Variants in IGSF3 observed in about 807,000 individuals in gnomAD.
The protein encoded by IGSF3 is immunoglobulin superfamily member 3.
Under a neutral mutation model 114.4 loss-of-function variants are expected in IGSF3, and 23 were observed. That is an observed-to-expected ratio of 0.20 (90% confidence interval 0.14 to 0.28). The LOEUF (loss-of-function observed/expected upper bound fraction) is 0.28, where lower values mean the gene tolerates loss of function less well. IGSF3 is among the 10% of genes least tolerant of loss of function. The pLI, the probability that IGSF3 is intolerant of heterozygous loss-of-function variation, is 1.00. For missense variants in IGSF3, 1,172 were observed against 1,591.5 expected (o/e 0.74, Z 4.48); for synonymous variants, 571 against 645.2 (o/e 0.88, Z 1.74).
Position 116,663,000 on chromosome 1 carries a change from T to C in IGSF3, c.43+3284A>G, listed in dbSNP as rs1649175369. 6.6e-6 allele frequency among the ~76,000 whole-genome samples: 1 copy of C among 152,204 alleles called. No individual in the cohort carries two copies. Among genetic ancestry groups the C allele is most frequent in the African/African-American group, 2.4e-5 (1 of 41,446 alleles). On this transcript the variant is annotated intron_variant, in intron 2 of 10. Transcript: ENST00000369486. This position sits in a 1 kb window ranked among gnomAD's most constrained non-coding sequence, Gnocchi z 4.3. ...TTCAAAGAAGAGACTTCCCAAACTC[T>C]ACAAATGAACTTCTCTCCCTCTGGA...
At chr1:116,652,421 A>G (rs1254714985) in intron 2 of IGSF3, among the ~76,000 whole-genome samples, 1 of 152,252 alleles carries the variant, frequency 6.6e-6, no homozygotes, top group Non-Finnish European at 1.5e-5. Context: ...TTGGTAATTC[A>G]GACATTTTAC....
chr1:116,649,765 G>A lies in IGSF3; in HGVS notation c.43+16519C>T, dbSNP rs989768824. On this transcript the variant is annotated intron_variant, in intron 2 of 10. Coordinates refer to ENST00000369486, the MANE Select transcript of IGSF3 (RefSeq NM_001007237.3). The surrounding 1 kb of genome is among the most constrained non-coding windows in gnomAD (Gnocchi z 4.5). ...GCCCACTTTCATTCCTTTCTCCCCT[G>A]TTCATAAGCCTGTAATACTTTTCCG... Among the ~76,000 whole-genome samples, 1 of 152,024 alleles carries A rather than the reference G, an allele frequency of 6.6e-6. No individual in the cohort carries two copies. Among genetic ancestry groups the A allele is most frequent in the African/African-American group, 2.4e-5 (1 of 41,356 alleles).
Position 116,579,935 on chromosome 1 carries a change from T to C in IGSF3, c.2849-58A>G, listed in dbSNP as rs1187651916. The C allele has an allele frequency of 7.0e-7, 1 of 1,423,312 alleles. No individual in the cohort carries two copies. Among genetic ancestry groups the C allele is most frequent in the Admixed American group, 2.2e-5 (1 of 45,598 alleles). 88.2% of individuals were successfully genotyped at this position (1,423,312 alleles called of 1,614,324 possible). A position where few individuals can be genotyped will look rare whatever the true frequency, so the allele number is the denominator to read the frequency against. On this transcript the variant is annotated intron_variant, in intron 9 of 10. Transcript: ENST00000369486. The surrounding 1 kb of genome is among the most constrained non-coding windows in gnomAD (Gnocchi z 6.4). ...GTTGTTTAAATTTATTTGCTCAAAA[T>C]AAACTAAATGTCCATCATTAAACAC...
intron 9 of IGSF3, among the ~76,000 whole-genome samples, chr1:116,581,209 G>A (rs191117723): frequency 2.6e-5 from 4 of 151,960 alleles, no homozygotes; most frequent in South Asian, 2.1e-4. Context: ...GAGGATGTAC[G>A]CAAAGTGTCC....
intron 9 of IGSF3, among the ~76,000 whole-genome samples, chr1:116,581,320 C>CTTTTTTTTTT (rs955415319): frequency 2.8e-5 from 2 of 70,588 alleles, no homozygotes; most frequent in African/African-American, 5.3e-5. Flanking sequence ...GTTTTGCTGT[C>CTTTTTTTTTT]TTTTTTTTTT....
rs192464568 is a variant in IGSF3, at chr1:116,651,188, G to A, written c.43+15096C>T. Among the ~76,000 whole-genome samples the A allele has an allele frequency of 2.6e-5, 4 of 152,322 alleles. No individual in the cohort carries two copies. The East Asian group carries it at 7.7e-4, about 29-fold the overall frequency. On this transcript the variant is annotated intron_variant, in intron 2 of 10. Coordinates refer to ENST00000369486, the MANE Select transcript of IGSF3 (RefSeq NM_001007237.3). The surrounding 1 kb of genome is among the most constrained non-coding windows in gnomAD (Gnocchi z 4.4). ...ATCTCATGAGCTCTGGTCTGGAAAA[G>A]TAAGTCTCCCTACACTAAGACTTAA...
chr1:116,621,659 T>A (rs1484441860), intron 2 of IGSF3, among the ~76,000 whole-genome samples: 2 of 152,196 alleles, frequency 1.3e-5, no homozygotes, highest in African/African-American at 2.4e-5. Flanking sequence ...TCCCTAAGAT[T>A]GAATGCAAAA....
chr1:116,667,199 T>C (rs1649369179), intron 1 of IGSF3, among the ~76,000 whole-genome samples: 1 of 152,152 alleles, frequency 6.6e-6, no homozygotes, highest in African/African-American at 2.4e-5. Flanking sequence ...CTCCTGGGAA[T>C]TCCCGTCACC....
Position 116,625,254 on chromosome 1 carries a change from C to T in IGSF3, c.44-8797G>A, listed in dbSNP as rs1233554709. 6.6e-6 allele frequency among the ~76,000 whole-genome samples: 1 copy of T among 152,200 alleles called. No homozygotes were observed. Among genetic ancestry groups the T allele is most frequent in the Non-Finnish European group, 1.5e-5 (1 of 68,030 alleles). On this transcript the variant is annotated intron_variant, in intron 2 of 10. Coordinates refer to ENST00000369486, the MANE Select transcript of IGSF3 (RefSeq NM_001007237.3). The surrounding 1 kb of genome is among the most constrained non-coding windows in gnomAD (Gnocchi z 4.7). The stretch of plus-strand genomic sequence containing the variant: ...CCTAAAATAAATACACATAACTAAT[C>T]ATTTTAATGGTATACAATAGCAGTG...
chr1:116,596,438 G>A lies in IGSF3; in HGVS notation c.2029+3503C>T, dbSNP rs1660350206. Among the ~76,000 whole-genome samples the A allele has an allele frequency of 6.6e-6, 1 of 152,180 alleles. No homozygotes were observed. Among genetic ancestry groups the A allele is most frequent in the Non-Finnish European group, 1.5e-5 (1 of 68,038 alleles). On this transcript the variant is annotated intron_variant, in intron 7 of 10. Coordinates refer to ENST00000369486, the MANE Select transcript of IGSF3 (RefSeq NM_001007237.3). This position sits in a 1 kb window ranked among gnomAD's most constrained non-coding sequence, Gnocchi z 4.1. The stretch of plus-strand genomic sequence containing the variant: ...TGGTTCGGAGCTCTGGTATCCGCAA[G>A]TCTTAGAGCCACCTTGTGGCAGAAG...
In IGSF3 at chr1:116,584,895, A is replaced by T. The variant is rs374226705; in HGVS notation, c.2598T>A (p.Thr866=). ...TGGCGTCACGGCTCAAGCGGGCCACAGTCTCCCGCTCAGGGTGGTTGGGCT... is the reference window on the plus strand; with the variant it reads ...TGGCGTCACGGCTCAAGCGGGCCACTGTCTCCCGCTCAGGGTGGTTGGGCT... The part of the protein sequence containing the change: ...VWKPNHPERE[T]VARLSRDATF... The change falls in exon 9 of 11, where the codon ACT becomes ACA. Residue 866 remains threonine, a synonymous_variant. Coordinates refer to ENST00000369486, the MANE Select transcript of IGSF3 (RefSeq NM_001007237.3). This position sits in a 1 kb window ranked among gnomAD's most constrained non-coding sequence, Gnocchi z 5.8. The T allele has an allele frequency of 1.8e-5, 29 of 1,614,072 alleles. No individual in the cohort carries two copies. Among genetic ancestry groups the T allele is most frequent in the Non-Finnish European group, 2.4e-5 (28 of 1,180,028 alleles).
At position 116,633,994 on chromosome 1, in the gene IGSF3, G is replaced by A. The variant is rs1307372601; in HGVS notation, c.44-17537C>T. Among the ~76,000 whole-genome samples the A allele has an allele frequency of 6.6e-6, 1 of 152,114 alleles. No individual in the cohort carries two copies. The highest frequency in any genetic ancestry group is 1.9e-4 in the East Asian group (1 of 5,182). ...CATCGAGGCTAAAACCAAAGCAGGA[G>A]CAAATCAGCCCTGCTAATGTGTACA... On this transcript the variant is annotated intron_variant, in intron 2 of 10. Coordinates refer to ENST00000369486, the MANE Select transcript of IGSF3 (RefSeq NM_001007237.3). This position sits in a 1 kb window ranked among gnomAD's most constrained non-coding sequence, Gnocchi z 4.3.
rs904085264 is a variant in IGSF3, at chr1:116,642,309, A to G, written c.43+23975T>C. Among the ~76,000 whole-genome samples, 2 of 152,110 alleles carry G rather than the reference A, an allele frequency of 1.3e-5. No individual in the cohort carries two copies. Among genetic ancestry groups the G allele is most frequent in the Admixed American group, 1.3e-4 (2 of 15,272 alleles). ...GTATTTTTTCCCTAAGTCTGAAATGACTTAGTAAGGATAAGAGGTCAAATC... is the reference window on the plus strand; with the variant it reads ...GTATTTTTTCCCTAAGTCTGAAATGGCTTAGTAAGGATAAGAGGTCAAATC... On this transcript the variant is annotated intron_variant, in intron 2 of 10. Transcript: ENST00000369486. This position sits in a 1 kb window ranked among gnomAD's most constrained non-coding sequence, Gnocchi z 5.4.
Position 116,614,935 on chromosome 1 carries a change from T to C in IGSF3, c.422-760A>G, listed in dbSNP as rs1047890997. Among the ~76,000 whole-genome samples, 1 of 152,172 alleles carries C rather than the reference T, an allele frequency of 6.6e-6. No individual in the cohort carries two copies. Among genetic ancestry groups the C allele is most frequent in the African/African-American group, 2.4e-5 (1 of 41,456 alleles). On this transcript the variant is annotated intron_variant, in intron 3 of 10. Transcript: ENST00000369486. This position sits in a 1 kb window ranked among gnomAD's most constrained non-coding sequence, Gnocchi z 4.5. Reference sequence around the variant, plus strand: ...GAGAGTACCCTAGTCACAACTAGTATGTGTTTTCTCCCTGTTCTCACCCAA... The same window carrying C: ...GAGAGTACCCTAGTCACAACTAGTACGTGTTTTCTCCCTGTTCTCACCCAA...
chr1:116,625,969 A>G lies in IGSF3; in HGVS notation c.44-9512T>C, dbSNP rs1304785997. On this transcript the variant is annotated intron_variant, in intron 2 of 10. Coordinates refer to ENST00000369486, the MANE Select transcript of IGSF3 (RefSeq NM_001007237.3). This position sits in a 1 kb window ranked among gnomAD's most constrained non-coding sequence, Gnocchi z 4.7. ...CTGCCTGATTGTCCTAGGTTGAGAC[A>G]TTTAGCTACTGAGCCCCAGGGATGG... Among the ~76,000 whole-genome samples, 1 of 152,212 alleles carries G rather than the reference A, an allele frequency of 6.6e-6. No homozygotes were observed. The highest frequency in any genetic ancestry group is 1.5e-5 in the Non-Finnish European group (1 of 68,038).
chr1:116,646,435 A>G (rs1043480433), intron 2 of IGSF3, among the ~76,000 whole-genome samples: 8 of 152,174 alleles, frequency 5.3e-5, no homozygotes, highest in African/African-American at 1.7e-4. Context: ...TTGATGTCTA[A>G]TTTTACTCCA....
In IGSF3 at chr1:116,607,948, G is replaced by A; in HGVS notation, c.1216C>T (p.Pro406Ser). Reference protein sequence around the residue: ...RPKNIPIIVLPLKSSISVEVA... With the variant: ...RPKNIPIIVLSLKSSISVEVA... ...AGCACATCTCTCTACTTACTGAGGGGGAGGACTATGATGGGGATGTTCTTG... is the reference window on the plus strand; with the variant it reads ...AGCACATCTCTCTACTTACTGAGGGAGAGGACTATGATGGGGATGTTCTTG... Residue 406 changes from proline to serine, a missense_variant, in exon 5 of 11, where the codon CCC becomes TCC. By Grantham distance (74) the Pro-to-Ser change is moderately conservative. Transcript: ENST00000369486. The surrounding 1 kb of genome is among the most constrained non-coding windows in gnomAD (Gnocchi z 6.1). 1 of 1,613,654 alleles carries A rather than the reference G, an allele frequency of 6.2e-7. No individual in the cohort carries two copies. The highest frequency in any genetic ancestry group is 8.5e-7 in the Non-Finnish European group (1 of 1,179,624).
rs1286081320 is a variant in IGSF3 at position 116,612,807 on chromosome 1, G to C, written c.832+958C>G. Among the ~76,000 whole-genome samples the C allele has an allele frequency of 6.6e-6, 1 of 152,230 alleles. No homozygotes were observed. Among genetic ancestry groups the C allele is most frequent in the Non-Finnish European group, 1.5e-5 (1 of 68,040 alleles). ...AACAACCATGCTCCAACCAAAGCTGGGGGATCTGAAGGCCCATGTGAGAAC... is the reference window on the plus strand; with the variant it reads ...AACAACCATGCTCCAACCAAAGCTGCGGGATCTGAAGGCCCATGTGAGAAC... On this transcript the variant is annotated intron_variant, in intron 4 of 10. Coordinates refer to ENST00000369486, the MANE Select transcript of IGSF3 (RefSeq NM_001007237.3). This position sits in a 1 kb window ranked among gnomAD's most constrained non-coding sequence, Gnocchi z 4.1.
chr1:116,631,317 CAAAAAAAA>C (rs939848949), intron 2 of IGSF3, among the ~76,000 whole-genome samples: 29 of 46,092 alleles, frequency 6.3e-4, no homozygotes, highest in Admixed American at 6.0e-3. Flanking sequence ...GACGCTGTCT[CAAAAAAAA>C]AAAAAAAAAA....
Sources: allele counts gnomAD v4.1 joint callset (sites outside exome capture counted in the v4.1 genomes callset), GRCh38; gene constraint gnomAD v4.1.1; non-coding constraint Gnocchi (gnomAD v3.1); transcripts MANE v1.5; gene names NCBI Gene and HGNC (gene_info 2026-07-23, HGNC 2026-07-21).